The following MBD5 variants were observed in gnomAD, a reference collection of about 807,000 sequenced individuals.
MBD5 encodes methyl-CpG-binding domain protein 5.
MBD5 carries 13 observed loss-of-function variants against 117.3 expected under a neutral mutation model. The ratio of observed to expected loss-of-function variants is 0.11; its 90% CI spans 0.07 to 0.18. The LOEUF (loss-of-function observed/expected upper bound fraction) is 0.18, where lower values mean the gene tolerates loss of function less well. MBD5 is among the 10% of genes least tolerant of loss of function. The probability of loss-of-function intolerance (pLI) is 1.00; values close to 1 mark genes in which losing one functional copy is unlikely to be tolerated. For missense variants in MBD5, 1,879 were observed against 2,093.8 expected, an observed-to-expected ratio of 0.90 and a Z score of 2.00; for synonymous variants, 727 against 766.4, an observed-to-expected ratio of 0.95 and a Z score of 0.85.
intron 1 of MBD5, chr2:148,071,139 A>C (rs982424739): frequency 2.6e-5 from 4 of 152,220 alleles, no homozygotes; most frequent in Non-Finnish European, 5.9e-5. Context: ...GGTGTGAGCC[A>C]CCACACCCGG....
chr2:148,411,241 T>C (rs1347133722), intron 4 of MBD5, among the ~76,000 whole-genome samples: 1 of 152,214 alleles, frequency 6.6e-6, no homozygotes, highest in African/African-American at 2.4e-5. Flanking sequence ...TACCACATTT[T>C]CTTAATCCAG....
intron 1 of MBD5, among the ~76,000 whole-genome samples, chr2:148,135,979 GA>G (rs1697162722): frequency 1.3e-5 from 2 of 152,114 alleles, no homozygotes; most frequent in Non-Finnish European, 2.9e-5. Context: ...CCCTAGCAGG[GA>G]ACAAAACTGG....
intron 1 of MBD5, among the ~76,000 whole-genome samples, chr2:148,132,331 CATATAT>C (rs59188623): frequency 4.6e-4 from 67 of 144,546 alleles, no homozygotes; most frequent in East Asian, 1.0e-3. Context: ...TATATATATA[CATATAT>C]ATATATATAT....
intron 1 of MBD5, among the ~76,000 whole-genome samples, chr2:148,034,964 A>G (rs1694149290): frequency 6.6e-6 from 1 of 152,178 alleles, no homozygotes; most frequent in Admixed American, 6.5e-5. Flanking sequence ...ACTGAATACT[A>G]CAATATAGAA....
At chr2:148,196,929 G>GC in intron 2 of MBD5, among the ~76,000 whole-genome samples, 1 of 152,042 alleles carries the variant, frequency 6.6e-6, no homozygotes, top group East Asian at 1.9e-4. Context: ...ATCCACATGT[G>GC]CCAAAATTGG....
intron 3 of MBD5, among the ~76,000 whole-genome samples, chr2:148,262,905 AGGAAAGCAT>A (rs141377294): frequency 0.01 from 1,589 of 152,340 alleles, 26 homozygotes; most frequent in African/African-American, 0.036. Flanking sequence ...GACCAAATAG[AGGAAAGCAT>A]GGATGTTAGT....
chr2:148,458,814 T>C lies in MBD5; in HGVS notation c.56T>C (p.Ile19Thr). The C allele has an allele frequency of 1.2e-6, 2 of 1,613,732 alleles. No individual in the cohort carries two copies. The highest frequency in any genetic ancestry group is 1.7e-6 in the Non-Finnish European group (2 of 1,179,740). The change falls in exon 5 of 14, where the codon ATA (isoleucine) becomes ACA (threonine). Residue 19 changes from isoleucine (I) to threonine (T), a missense_variant. Ile to Thr is a moderately conservative substitution (Grantham distance 89). Transcript: ENST00000642680. ...GGDKEGGLPA[I>T]QVPVGWQRRV... The stretch of plus-strand genomic sequence containing the variant: ...GACAAGGAAGGAGGTCTTCCAGCTA[T>C]ACAAGTTCCTGTGGGTTGGCAGCGT...
At chr2:148,452,114 T>C (rs764156520) in intron 4 of MBD5, among the ~76,000 whole-genome samples, 6 of 152,194 alleles carry the variant, frequency 3.9e-5, no homozygotes, top group Non-Finnish European at 8.8e-5. Flanking sequence ...GAATTTGACA[T>C]TTGATGTTAT....
At chr2:148,225,476 G>T (rs1272422978) in intron 2 of MBD5, among the ~76,000 whole-genome samples, 1 of 151,898 alleles carries the variant, frequency 6.6e-6, no homozygotes, top group Admixed American at 6.6e-5. Context: ...TTCTATTTAA[G>T]ATAGGAGTAG....
chr2:148,294,056 C>A (rs932823468), intron 3 of MBD5, among the ~76,000 whole-genome samples: 3 of 152,066 alleles, frequency 2.0e-5, no homozygotes, highest in Non-Finnish European at 4.4e-5. Flanking sequence ...GTCAGATTAT[C>A]AACTGGATTC....
At chr2:148,270,156 T>C (rs1700950081) in intron 3 of MBD5, among the ~76,000 whole-genome samples, 1 of 152,140 alleles carries the variant, frequency 6.6e-6, no homozygotes, top group South Asian at 2.1e-4. Flanking sequence ...CTGATGCCTG[T>C]TTACTTTTTA....
chr2:148,346,668 G>A (rs2105198247), intron 4 of MBD5: 1 of 151,378 alleles, frequency 6.6e-6, no homozygotes, highest in South Asian at 2.1e-4. Context: ...CTTGTGGAGG[G>A]GTCTTTGAAT....
Position 148,296,864 on chromosome 2 carries a change from A to ATTTTTTTTTTTT in MBD5, c.-679-45341_-679-45330dup, listed in dbSNP as rs757371602. ...AAGCATAGTTTGCTTTAGTTCTTCAATTTTTTTTTTTTTTTTTTTTGGAGA... is the reference window on the plus strand; with the variant it reads ...AAGCATAGTTTGCTTTAGTTCTTCAATTTTTTTTTTTTTTTTTTTTTTTTTTTTTTTTGGAGA... On this transcript the variant is annotated intron_variant, in intron 3 of 13. Transcript: ENST00000642680. Among the ~76,000 whole-genome samples the ATTTTTTTTTTTT allele has an allele frequency of 2.2e-3, 133 of 61,328 alleles. 14 individuals carry two copies. The highest frequency in any genetic ancestry group is 2.5e-3 in the Admixed American group (9 of 3,666). 40.2% of individuals were successfully genotyped at this position (61,328 alleles called of 152,430 possible).
intron 3 of MBD5, among the ~76,000 whole-genome samples, chr2:148,317,763 C>T (rs1426559787): frequency 1.3e-5 from 2 of 152,146 alleles, no homozygotes; most frequent in African/African-American, 2.4e-5. Flanking sequence ...TCCAGTTCCA[C>T]CCATGTTGCT....
chr2:148,105,607 G>T (rs1310918399), intron 1 of MBD5, among the ~76,000 whole-genome samples: 5 of 152,028 alleles, frequency 3.3e-5, no homozygotes, highest in Non-Finnish European at 7.4e-5. Flanking sequence ...CTCTCCAAAA[G>T]TTTGTCAGTT....
chr2:148,094,643 A>C (rs1696018900), intron 1 of MBD5, among the ~76,000 whole-genome samples: 1 of 152,176 alleles, frequency 6.6e-6, no homozygotes, highest in African/African-American at 2.4e-5. Context: ...ATCTGTATTG[A>C]TATTTTGAAA....
chr2:148,512,172 T>C (rs1424713191), intron 13 of MBD5: 1 of 155,048 alleles, frequency 6.4e-6, no homozygotes, highest in Non-Finnish European at 1.4e-5. Context: ...CTCCAAATTA[T>C]ACCTGCTATC....
At chr2:148,459,940 G>A (rs542416305) in intron 5 of MBD5, among the ~76,000 whole-genome samples, 1 of 152,154 alleles carries the variant, frequency 6.6e-6, no homozygotes, top group East Asian at 1.9e-4. Context: ...TATTTATTGG[G>A]GTGAAGGGAT....
intron 1 of MBD5, among the ~76,000 whole-genome samples, chr2:148,146,398 A>G (rs2105588648): frequency 6.6e-6 from 1 of 151,954 alleles, no homozygotes; most frequent in Non-Finnish European, 1.5e-5. Context: ...CACCTGGCTA[A>G]TTTTTTTATT....
Sources: gnomAD v4.1 joint callset for allele counts (sites outside exome capture counted in the v4.1 genomes callset) on GRCh38, gnomAD v4.1.1 for gene constraint, MANE v1.5 for transcripts, NCBI Gene and HGNC (gene_info 2026-07-23, HGNC 2026-07-21) for gene names.